Variants in IL15RA observed in about 807,000 individuals in gnomAD.
IL15RA encodes interleukin 15 receptor subunit alpha, also known as interleukin-15 receptor subunit alpha.
Under a neutral mutation model 24.2 loss-of-function variants are expected in IL15RA, and 26 were observed. That is an observed-to-expected ratio of 1.07 (90% CI 0.79 to 1.49). The LOEUF (loss-of-function observed/expected upper bound fraction) is 1.49. IL15RA is among the 40% of genes most tolerant of loss of function. The probability of loss-of-function intolerance (pLI) is 0.00; values close to 1 mark genes in which losing one functional copy is unlikely to be tolerated. For synonymous variants in IL15RA, 166 were observed against 157.6 expected (o/e 1.05, Z -0.40); for missense variants, 354 against 356.4 (o/e 0.99, Z 0.05).
chr10:5,957,024 A>G (rs1301581675), intron 5 of IL15RA, among the ~76,000 whole-genome samples: 1 of 139,070 alleles, frequency 7.2e-6, no homozygotes, highest in Non-Finnish European at 1.5e-5. Context: ...CAGAGGCACT[A>G]TCTCGGCTCA....
In IL15RA at chr10:5,970,337, A is replaced by G. The variant is rs964568107; in HGVS notation, c.89-3998T>C. On this transcript the variant is annotated intron_variant, in intron 1 of 6. Coordinates refer to ENST00000379977, the MANE Select transcript of IL15RA (RefSeq NM_002189.4). The surrounding 1 kb of genome is among the most constrained non-coding windows in gnomAD (Gnocchi z 4.1). The stretch of plus-strand genomic sequence containing the variant: ...ATTGTTCTATGTTTTGCTTTGACAT[A>G]TGTTATACCCCATGACACATTGTTA... 6.6e-6 allele frequency among the ~76,000 whole-genome samples: 1 copy of G among 152,192 alleles called. No homozygotes were observed. Among genetic ancestry groups the G allele is most frequent in the African/African-American group, 2.4e-5 (1 of 41,440 alleles).
chr10:5,965,828 C>T lies in IL15RA; in HGVS notation c.283+317G>A, dbSNP rs567585936. On this transcript the variant is annotated intron_variant, in intron 2 of 6. Transcript: ENST00000379977. This position sits in a 1 kb window ranked among gnomAD's most constrained non-coding sequence, Gnocchi z 5.8. The stretch of plus-strand genomic sequence containing the variant: ...CTCTACCTCCCGGGTTCAAGCAATT[C>T]TCCTGCCTCAACCTCCCAAGTAGCT... 4.6e-5 allele frequency among the ~76,000 whole-genome samples: 7 copies of T among 152,292 alleles called. No individual in the cohort carries two copies. In the East Asian group the frequency reaches 1.3e-3, roughly 29 times the overall value.
At position 5,975,523 on chromosome 10, in the gene IL15RA, T is replaced by C. The variant is rs749451378; in HGVS notation, c.88+1882A>G. Among the ~76,000 whole-genome samples, 4 of 151,368 alleles carry C rather than the reference T, an allele frequency of 2.6e-5. No individual in the cohort carries two copies. The highest frequency in any genetic ancestry group is 1.3e-4 in the Admixed American group (2 of 15,218). Reference sequence around the variant, plus strand: ...ATGTATGCATTTACCTCCAAACTTATCAAAGTGTGCAACTTCAATATATGC... The same window carrying C: ...ATGTATGCATTTACCTCCAAACTTACCAAAGTGTGCAACTTCAATATATGC... On this transcript the variant is annotated intron_variant, in intron 1 of 6. Coordinates refer to ENST00000379977, the MANE Select transcript of IL15RA (RefSeq NM_002189.4). This position sits in a 1 kb window ranked among gnomAD's most constrained non-coding sequence, Gnocchi z 4.8.
Position 5,959,548 on chromosome 10 carries a change from C to T in IL15RA, c.616+206G>A. Among the ~76,000 whole-genome samples the T allele has an allele frequency of 6.6e-6, 1 of 152,134 alleles. No homozygotes were observed. Among genetic ancestry groups the T allele is most frequent in the East Asian group, 1.9e-4 (1 of 5,192 alleles). On this transcript the variant is annotated intron_variant, in intron 5 of 6. Coordinates refer to ENST00000379977, the MANE Select transcript of IL15RA (RefSeq NM_002189.4). This position sits in a 1 kb window ranked among gnomAD's most constrained non-coding sequence, Gnocchi z 4.1. Reference sequence around the variant, plus strand: ...CCAGTAGCCTGACAGCTAGAAGCTACCAATATTTAGAAAAATGGGCACATC... The same window carrying T: ...CCAGTAGCCTGACAGCTAGAAGCTATCAATATTTAGAAAAATGGGCACATC...
Position 5,968,710 on chromosome 10 carries a change from C to G in IL15RA, c.89-2371G>C, listed in dbSNP as rs1837035181. 2 of 699,120 alleles carry G rather than the reference C, an allele frequency of 2.9e-6. No individual in the cohort carries two copies. The highest frequency in any genetic ancestry group is 5.2e-6 in the Non-Finnish European group (2 of 382,578). The allele number at this position is 699,120 out of a possible 1,614,324, so 43.3% of individuals were successfully genotyped here. A position where few individuals can be genotyped will look rare whatever the true frequency, so the allele number is the denominator to read the frequency against. Reference sequence around the variant, plus strand: ...TCTGTCCTTCTCTACCTGCCTAAACCACAGAGTGTTATTTCTCCACACTTG... The same window carrying G: ...TCTGTCCTTCTCTACCTGCCTAAACGACAGAGTGTTATTTCTCCACACTTG... On this transcript the variant is annotated intron_variant, in intron 1 of 6. Transcript: ENST00000379977. This position sits in a 1 kb window ranked among gnomAD's most constrained non-coding sequence, Gnocchi z 5.4.
At chr10:5,949,804 G>A (rs1161463505), downstream of IL15RA, among the ~76,000 whole-genome samples, 1 of 152,088 alleles carries the variant, frequency 6.6e-6, no homozygotes, top group Admixed American at 6.6e-5. This position sits in a 1 kb window ranked among gnomAD's most constrained non-coding sequence, Gnocchi z 4.4. Context: ...GGAGTTAAGA[G>A]TCTTATTTCT....
Position 5,968,461 on chromosome 10 carries a change from T to G in IL15RA, c.89-2122A>C, listed in dbSNP as rs1204011865. On this transcript the variant is annotated intron_variant, in intron 1 of 6. Coordinates refer to ENST00000379977, the MANE Select transcript of IL15RA (RefSeq NM_002189.4). The surrounding 1 kb of genome is among the most constrained non-coding windows in gnomAD (Gnocchi z 5.4). ...CTCTGCTCACTTCCTGTCTCAGGCATCTATTGTCCAGTGGCCGCCACTACT... is the reference window on the plus strand; with the variant it reads ...CTCTGCTCACTTCCTGTCTCAGGCAGCTATTGTCCAGTGGCCGCCACTACT... 2 of 323,852 alleles carry G rather than the reference T, an allele frequency of 6.2e-6. No individual in the cohort carries two copies. Among genetic ancestry groups the G allele is most frequent in the African/African-American group, 2.1e-5 (1 of 47,340 alleles). 20.1% of individuals were successfully genotyped at this position (323,852 alleles called of 1,614,324 possible).
rs761022008 is a variant in IL15RA, at chr10:5,963,699, T to C, written c.382+44A>G. 24 of 1,301,734 alleles carry C rather than the reference T, an allele frequency of 1.8e-5. No individual in the cohort carries two copies. The East Asian group carries it at 6.7e-4, about 37-fold the overall frequency. The allele number at this position is 1,301,734 out of a possible 1,614,324, so 80.6% of individuals were successfully genotyped here. A position where few individuals can be genotyped will look rare whatever the true frequency, so the allele number is the denominator to read the frequency against. On this transcript the variant is annotated intron_variant, in intron 3 of 6. Transcript: ENST00000379977. The surrounding 1 kb of genome is among the most constrained non-coding windows in gnomAD (Gnocchi z 5.3). ...GGATTGGTGAGCGGGCCTCTGGGTG[T>C]TGGGAGGGAATGAATGTCCTCGAGA...
At chr10:5,948,951 C>A, downstream of IL15RA, 1 of 233,238 alleles carries the variant, frequency 4.3e-6, no homozygotes, top group East Asian at 8.9e-5. Flanking sequence ...TGTCAAAATA[C>A]AAATCATATA....
At position 5,977,094 on chromosome 10, in the gene IL15RA, C is replaced by T. The variant is rs528669893; in HGVS notation, c.88+311G>A. The T allele has an allele frequency of 1.0e-3, 280 of 272,192 alleles. 1 individual carries two copies. The highest frequency in any genetic ancestry group is 2.2e-3 in the Admixed American group (41 of 18,670). 16.9% of individuals were successfully genotyped at this position (272,192 alleles called of 1,614,324 possible). A position where few individuals can be genotyped will look rare whatever the true frequency, so the allele number is the denominator to read the frequency against. On this transcript the variant is annotated intron_variant, in intron 1 of 6. Transcript: ENST00000379977. ...TGCTGGACGCCGCCGGCTCCGCGCTCCCGTGGCCAAAACGGGCTTCTCAGA... is the reference window on the plus strand; with the variant it reads ...TGCTGGACGCCGCCGGCTCCGCGCTTCCGTGGCCAAAACGGGCTTCTCAGA...
chr10:5,969,370 TAA>T, intron 1 of IL15RA, among the ~76,000 whole-genome samples: 1 of 151,164 alleles, frequency 6.6e-6, no homozygotes, highest in East Asian at 1.9e-4. Flanking sequence ...TAAATTAAAT[TAA>T]ATTAAATTAA....
intron 5 of IL15RA, among the ~76,000 whole-genome samples, chr10:5,957,682 C>T (rs537072286): frequency 8.4e-4 from 127 of 151,512 alleles, no homozygotes; most frequent in Middle Eastern, 3.4e-3. Flanking sequence ...ACCTCCCCCT[C>T]CCAGGTTCAA....
upstream of IL15RA, chr10:5,977,556 T>G (rs1021346182): frequency 3.9e-6 from 5 of 1,270,686 alleles, no homozygotes; most frequent in Non-Finnish European, 5.0e-6. Context: ...CGGGGGGAGG[T>G]GGCGAGCGCT....
rs567244187 is a variant in IL15RA, at chr10:5,966,566, C to T, written c.89-227G>A. Among the ~76,000 whole-genome samples the T allele has an allele frequency of 5.3e-5, 8 of 152,100 alleles. No homozygotes were observed. The highest frequency in any genetic ancestry group is 1.9e-4 in the African/African-American group (8 of 41,482). On this transcript the variant is annotated intron_variant, in intron 1 of 6. Transcript: ENST00000379977. This position sits in a 1 kb window ranked among gnomAD's most constrained non-coding sequence, Gnocchi z 6.4. ...CAGCCAGCAAAACTACAGATGAGGGCGTGGGGAGAGGGTCATCGATGAAAC... is the reference window on the plus strand; with the variant it reads ...CAGCCAGCAAAACTACAGATGAGGGTGTGGGGAGAGGGTCATCGATGAAAC...
upstream of IL15RA, chr10:5,977,984 T>G: frequency 1.7e-5 from 3 of 175,254 alleles, no homozygotes; most frequent in Non-Finnish European, 2.4e-5. Context: ...TTTCCTGGTC[T>G]CCCTCCGCGG....
rs1415307566 is a variant in IL15RA at position 5,967,936 on chromosome 10, G to A, written c.89-1597C>T. Among the ~76,000 whole-genome samples the A allele has an allele frequency of 2.0e-5, 3 of 152,108 alleles. No homozygotes were observed. The highest frequency in any genetic ancestry group is 4.4e-5 in the Non-Finnish European group (3 of 68,036). On this transcript the variant is annotated intron_variant, in intron 1 of 6. Coordinates refer to ENST00000379977, the MANE Select transcript of IL15RA (RefSeq NM_002189.4). The surrounding 1 kb of genome is among the most constrained non-coding windows in gnomAD (Gnocchi z 4.4). ...TAGCTGGATGTGGTGGTGGGCGCCT[G>A]TAATCCCAGCTACTCAGGAGGCTGA...
In IL15RA at chr10:5,959,968, T is replaced by G. The variant is rs566616200; in HGVS notation, c.584-182A>C. ...TAGCTCACTGAGGTGCTGGCCACACTTAAGAATCAGATAAGCCTTACAGAA... is the reference window on the plus strand; with the variant it reads ...TAGCTCACTGAGGTGCTGGCCACACGTAAGAATCAGATAAGCCTTACAGAA... On this transcript the variant is annotated intron_variant, in intron 4 of 6. Coordinates refer to ENST00000379977, the MANE Select transcript of IL15RA (RefSeq NM_002189.4). The surrounding 1 kb of genome is among the most constrained non-coding windows in gnomAD (Gnocchi z 4.1). Among the ~76,000 whole-genome samples, 1 of 152,300 alleles carries G rather than the reference T, an allele frequency of 6.6e-6. No homozygotes were observed. Among genetic ancestry groups the G allele is most frequent in the South Asian group, 2.1e-4 (1 of 4,824 alleles).
chr10:5,954,042 T>C (rs1342013104), intron 6 of IL15RA: 1 of 152,154 alleles, frequency 6.6e-6, no homozygotes, highest in African/African-American at 2.4e-5. Context: ...CTGACAATAA[T>C]TTGCTAACAG....
rs1322065088 is a variant in IL15RA at position 5,955,592 on chromosome 10, A to G, written c.692+787T>C. Reference sequence around the variant, plus strand: ...TTGAGGCTTTAATCAAAGAATAATAATACTGCCTAAAGATTAAAAAAATGA... The same window carrying G: ...TTGAGGCTTTAATCAAAGAATAATAGTACTGCCTAAAGATTAAAAAAATGA... On this transcript the variant is annotated intron_variant, in intron 6 of 6. Transcript: ENST00000379977. This position sits in a 1 kb window ranked among gnomAD's most constrained non-coding sequence, Gnocchi z 5.3. Among the ~76,000 whole-genome samples the G allele has an allele frequency of 6.6e-6, 1 of 152,234 alleles. No individual in the cohort carries two copies.
Sources: allele counts gnomAD v4.1 joint callset (sites outside exome capture counted in the v4.1 genomes callset), GRCh38; gene constraint gnomAD v4.1.1; non-coding constraint Gnocchi (gnomAD v3.1); transcripts MANE v1.5; gene names NCBI Gene and HGNC (gene_info 2026-07-23, HGNC 2026-07-21).